NDUFA10: variants seen among roughly 807,000 people sequenced by gnomAD.
NDUFA10 encodes the protein NADH dehydrogenase [ubiquinone] 1 alpha subcomplex subunit 10, mitochondrial.
A neutral mutation model predicts 47.8 loss-of-function variants in NDUFA10; 40 were observed. The observed-to-expected ratio is 0.84, with a 90% CI of 0.65 to 1.09. The LOEUF (loss-of-function observed/expected upper bound fraction) is 1.09, where lower values mean the gene tolerates loss of function less well. NDUFA10 is among the 50% of genes least tolerant of loss of function. The probability of loss-of-function intolerance (pLI) is 0.00; values close to 1 mark genes in which losing one functional copy is unlikely to be tolerated. For missense variants in NDUFA10, 413 were observed against 451.1 expected (o/e 0.92, Z 0.76); for synonymous variants, 183 against 172.2 (o/e 1.06, Z -0.49).
chr2:240,017,913 T>C, intron 4 of NDUFA10: 4 of 1,558,844 alleles, frequency 2.6e-6, no homozygotes, highest in Non-Finnish European at 8.7e-7. Flanking sequence ...AGTCTACAGA[T>C]GAAAATGCCG....
intron 9 of NDUFA10, chr2:239,969,835 C>T (rs1695238502): frequency 2.2e-6 from 1 of 463,016 alleles, no homozygotes; most frequent in Non-Finnish European, 4.5e-6. Context: ...GGCAGAGCAG[C>T]AGAAACTATC....
At position 239,945,070 on chromosome 2, in the gene NDUFA10, A is replaced by G. The variant is rs1273152525; in HGVS notation, c.294+45004T>C. On this transcript the variant is annotated intron_variant, in intron 4 of 5. Coordinates refer to the NDUFA10 transcript ENST00000419408. This position sits in a 1 kb window ranked among gnomAD's most constrained non-coding sequence, Gnocchi z 4.6. Reference sequence around the variant, plus strand: ...CAGAATTCCATGGTTTTGGTAGCAGACTCCCAGGCAAGCCTCCCTGCCTCT... The same window carrying G: ...CAGAATTCCATGGTTTTGGTAGCAGGCTCCCAGGCAAGCCTCCCTGCCTCT... Among the ~76,000 whole-genome samples the G allele has an allele frequency of 2.0e-5, 3 of 150,666 alleles. No homozygotes were observed. Among genetic ancestry groups the G allele is most frequent in the African/African-American group, 7.3e-5 (3 of 40,848 alleles).
Position 240,015,636 on chromosome 2 carries a change from C to G in NDUFA10, c.548-776G>C, listed in dbSNP as rs373456153. On this transcript the variant is annotated intron_variant, in intron 4 of 9. Transcript: ENST00000252711. ...CAGAATGCATAATCCAGGGGGCACC[C>G]GCAGGGCCCGTGCCACCCAAGGGAA... Among the ~76,000 whole-genome samples the G allele has an allele frequency of 2.2e-4, 33 of 152,322 alleles. No individual in the cohort carries two copies. The East Asian group carries it at 6.0e-3, about 28-fold the overall frequency.
chr2:239,994,059 C>T (rs1482943023), intron 8 of NDUFA10, among the ~76,000 whole-genome samples: 1 of 152,074 alleles, frequency 6.6e-6, no homozygotes, highest in East Asian at 1.9e-4. Flanking sequence ...ATGAGGGAGT[C>T]CCGCCCCACA....
rs565352393 is a variant in NDUFA10 at position 240,003,142 on chromosome 2, T to C, written c.890+2068A>G. 1.2e-3 allele frequency among the ~76,000 whole-genome samples: 177 copies of C among 152,312 alleles called. 2 individuals are homozygous for C. Among genetic ancestry groups the C allele is most frequent in the African/African-American group, 4.2e-3 (173 of 41,564 alleles). On this transcript the variant is annotated intron_variant, in intron 8 of 9. Transcript: ENST00000252711. The stretch of plus-strand genomic sequence containing the variant: ...TGGGTTTACAGACGTGAACGCTGCC[T>C]GGCCAGAAGTAAACTTATTACACAT...
intron 4 of NDUFA10, among the ~76,000 whole-genome samples, chr2:239,919,394 C>G (rs983502564): frequency 6.6e-6 from 1 of 151,352 alleles, no homozygotes; most frequent in Non-Finnish European, 1.5e-5. Context: ...ACTCGACTAG[C>G]CTACTTCTGT....
chr2:239,908,619 G>A (rs6715231), intron 4 of NDUFA10, among the ~76,000 whole-genome samples: 62,658 of 152,124 alleles, frequency 0.41, 14,261 homozygotes, highest in African/African-American at 0.61. Flanking sequence ...CAAACCTTAA[G>A]TAAGATGGCA....
chr2:239,917,403 A>G (rs991307973), intron 4 of NDUFA10, among the ~76,000 whole-genome samples: 1 of 152,198 alleles, frequency 6.6e-6, no homozygotes, highest in African/African-American at 2.4e-5. Context: ...CTCTTATGGT[A>G]TGAGTTTATA....
chr2:239,928,489 C>G lies in NDUFA10; in HGVS notation c.295-33175G>C, dbSNP rs1694101993. Reference sequence around the variant, plus strand: ...CTCATGGCAGGAAATCCCCCGAATCCACGCCAGACTCCTCGGCCCTGGCCC... The same window carrying G: ...CTCATGGCAGGAAATCCCCCGAATCGACGCCAGACTCCTCGGCCCTGGCCC... On this transcript the variant is annotated intron_variant, in intron 4 of 5. Transcript: ENST00000419408. This position sits in a 1 kb window ranked among gnomAD's most constrained non-coding sequence, Gnocchi z 4.3. Among the ~76,000 whole-genome samples, 1 of 152,152 alleles carries G rather than the reference C, an allele frequency of 6.6e-6. No homozygotes were observed. Among genetic ancestry groups the G allele is most frequent in the South Asian group, 2.1e-4 (1 of 4,814 alleles).
chr2:239,901,502 C>G (rs1460177356), intron 4 of NDUFA10, among the ~76,000 whole-genome samples: 1 of 152,022 alleles, frequency 6.6e-6, no homozygotes, highest in Non-Finnish European at 1.5e-5. Context: ...CTACCGCTCA[C>G]CGACAATGCA....
At chr2:240,005,107 G>A (rs1696892362) in intron 8 of NDUFA10, 103 bp downstream of exon 8, 2 of 1,046,090 alleles carry the variant, frequency 1.9e-6, no homozygotes, top group Non-Finnish European at 3.0e-6. Flanking sequence ...GGTTGGTGCT[G>A]CTAACACCTA....
At chr2:240,013,862 T>A (rs1697231253) in intron 5 of NDUFA10, 1 of 152,206 alleles carries the variant, frequency 6.6e-6, no homozygotes, top group African/African-American at 2.4e-5. Context: ...GGAGACCATA[T>A]TCTCCTCCAG....
At chr2:239,941,158 CAG>C (rs1694354147) in intron 4 of NDUFA10, among the ~76,000 whole-genome samples, 2 of 152,338 alleles carry the variant, frequency 1.3e-5, no homozygotes, top group African/African-American at 4.8e-5. Context: ...TGAAAACACA[CAG>C]GCAATAGACG....
chr2:239,964,395 A>C (rs546931681), intron 9 of NDUFA10, among the ~76,000 whole-genome samples: 1 of 152,268 alleles, frequency 6.6e-6, no homozygotes, highest in East Asian at 1.9e-4. Flanking sequence ...AGCCCCCGGA[A>C]GGAGCCAGCC....
rs1219137850 is a variant in NDUFA10 at position 239,957,554 on chromosome 2, T to C, written c.*3564A>G. On this transcript the variant is annotated 3_prime_UTR_variant, in exon 10 of 10. Coordinates refer to ENST00000252711, the MANE Select transcript of NDUFA10 (RefSeq NM_004544.4). Reference sequence around the variant, plus strand: ...ATTTTTAAATTAAGAATTTTAAAACTATACATCAATAGTAAAAGCGAATGA... The same window carrying C: ...ATTTTTAAATTAAGAATTTTAAAACCATACATCAATAGTAAAAGCGAATGA... 2 of 152,254 alleles carry C rather than the reference T, an allele frequency of 1.3e-5. No homozygotes were observed. Among genetic ancestry groups the C allele is most frequent in the African/African-American group, 4.8e-5 (2 of 41,466 alleles). The allele number at this position is 152,254 out of a possible 1,614,324, so 9.4% of individuals were successfully genotyped here.
At chr2:239,935,629 C>T (rs1489600010) in intron 4 of NDUFA10, among the ~76,000 whole-genome samples, 2 of 152,202 alleles carry the variant, frequency 1.3e-5, no homozygotes, top group Non-Finnish European at 2.9e-5. Context: ...AATTGTAGCT[C>T]CCATAATTCC....
chr2:239,969,661 T>C, intron 9 of NDUFA10: 1 of 471,218 alleles, frequency 2.1e-6, no homozygotes, highest in South Asian at 1.5e-5. Flanking sequence ...GAGCAAAGGC[T>C]CTCCTGCCAT....
chr2:239,997,890 A>G (rs1353060086), intron 8 of NDUFA10, among the ~76,000 whole-genome samples: 1 of 152,242 alleles, frequency 6.6e-6, no homozygotes, highest in East Asian at 1.9e-4. Context: ...CCCACAGGCC[A>G]AACAGTTTGC....
chr2:239,971,778 G>A (rs981465672), intron 9 of NDUFA10, among the ~76,000 whole-genome samples: 2 of 152,182 alleles, frequency 1.3e-5, no homozygotes, highest in African/African-American at 4.8e-5. Context: ...GAATTAAATT[G>A]TAACTTTTAG....
Sources: allele counts gnomAD v4.1 joint callset (sites outside exome capture counted in the v4.1 genomes callset), GRCh38; gene constraint gnomAD v4.1.1; non-coding constraint Gnocchi (gnomAD v3.1); transcripts MANE v1.5; gene names NCBI Gene and HGNC (gene_info 2026-07-23, HGNC 2026-07-21).